Variants in MACF1 observed in about 807,000 individuals in gnomAD.
MACF1 encodes microtubule actin crosslinking factor 1.
Under a neutral mutation model 854.8 loss-of-function variants are expected in MACF1, and 193 were observed. That is an observed-to-expected ratio of 0.23 (90% CI 0.20 to 0.25). The LOEUF (loss-of-function observed/expected upper bound fraction) is 0.25, where lower values mean the gene tolerates loss of function less well. Among genes scored for constraint, MACF1 ranks in the 10% least tolerant of loss-of-function variants. The pLI is 1.00. For missense variants in MACF1, 7,722 were observed against 8,929.1 expected, an observed-to-expected ratio of 0.86 and a Z score of 5.45; for synonymous variants, 3,185 against 3,226.7, an observed-to-expected ratio of 0.99 and a Z score of 0.44.
At chr1:39,399,035 T>A (rs1353002289) in intron 58 of MACF1, among the ~76,000 whole-genome samples, 1 of 152,234 alleles carries the variant, frequency 6.6e-6, no homozygotes, top group Non-Finnish European at 1.5e-5. Context: ...ACATGGTTCC[T>A]ATGGGAAAAA....
At chr1:39,222,169 G>T (rs1444114306) in intron 1 of MACF1, among the ~76,000 whole-genome samples, 1 of 152,066 alleles carries the variant, frequency 6.6e-6, no homozygotes, top group Non-Finnish European at 1.5e-5. Context: ...CTGTCACCCA[G>T]GCTGGAGGGC....
chr1:39,238,651 T>A (rs1644886703), intron 2 of MACF1, among the ~76,000 whole-genome samples: 1 of 152,210 alleles, frequency 6.6e-6, no homozygotes, highest in African/African-American at 2.4e-5. Flanking sequence ...CAGTGCTGTG[T>A]GATGACAGGA....
intron 6 of MACF1, among the ~76,000 whole-genome samples, chr1:39,263,438 CAA>C (rs1461537425): frequency 6.6e-5 from 10 of 152,118 alleles, no homozygotes; most frequent in Admixed American, 6.5e-4. Context: ...TTGAAAATCT[CAA>C]ATACTCGGAA....
upstream of MACF1, among the ~76,000 whole-genome samples, chr1:39,199,763 T>C (rs748364194): frequency 5.9e-5 from 9 of 152,190 alleles, no homozygotes; most frequent in Admixed American, 1.3e-4. Flanking sequence ...GGGTGTGTCA[T>C]AGTCATCTTG....
At chr1:39,324,776 G>C in intron 35 of MACF1, 42 bp downstream of exon 35, 1 of 1,430,018 alleles carries the variant, frequency 7.0e-7, no homozygotes. Context: ...TGGGGCACCT[G>C]GTCTATCAGT....
At chr1:39,380,798 G>A (rs1235214593) in intron 55 of MACF1, among the ~76,000 whole-genome samples, 1 of 152,078 alleles carries the variant, frequency 6.6e-6, no homozygotes, top group African/African-American at 2.4e-5. Flanking sequence ...TGGAGTCCTA[G>A]CTACTGGGGA....
Position 39,105,331 on chromosome 1 carries a change from G to A in MACF1, c.220+20893G>A, listed in dbSNP as rs1036831175. Reference sequence around the variant, plus strand: ...GCTCCTGACAGGAGGAGCCGCCGCCGCCGCCCGCCGCTGCAGCCGCGCCGG... The same window carrying A: ...GCTCCTGACAGGAGGAGCCGCCGCCACCGCCCGCCGCTGCAGCCGCGCCGG... On this transcript the variant is annotated intron_variant, in intron 2 of 93. Coordinates refer to the MACF1 transcript ENST00000361689. This position sits in a 1 kb window ranked among gnomAD's most constrained non-coding sequence, Gnocchi z 5.9. 2.2e-4 allele frequency: 197 copies of A among 895,782 alleles called. No homozygotes were observed. The highest frequency in any genetic ancestry group is 2.5e-4 in the Non-Finnish European group (187 of 748,936). The allele number at this position is 895,782 out of a possible 1,614,324, so 55.5% of individuals were successfully genotyped here.
intron 52 of MACF1, among the ~76,000 whole-genome samples, chr1:39,375,595 C>G (rs562363305): frequency 6.6e-6 from 1 of 152,304 alleles, no homozygotes; most frequent in East Asian, 1.9e-4. Context: ...GCCACCAGGC[C>G]CAGCCTATCT....
chr1:39,095,619 A>C (rs903445209), intron 2 of MACF1, among the ~76,000 whole-genome samples: 1 of 147,200 alleles, frequency 6.8e-6, no homozygotes, highest in African/African-American at 2.5e-5. Context: ...GGTGGCTCAC[A>C]CATATAATCC....
At chr1:39,205,239 C>A in intron 1 of MACF1, 108 bp downstream of exon 1, 1 of 667,050 alleles carries the variant, frequency 1.5e-6, no homozygotes, top group Non-Finnish European at 2.7e-6. Context: ...CCAGTACGTC[C>A]TTCAGCTGGG....
chr1:39,462,821 A>G (rs111947392), intron 93 of MACF1, among the ~76,000 whole-genome samples: 21 of 152,296 alleles, frequency 1.4e-4, no homozygotes, highest in African/African-American at 4.3e-4. Context: ...GAAACTGCCA[A>G]ATTTATTAGT....
At chr1:39,384,645 C>G (rs144698012) in intron 56 of MACF1, among the ~76,000 whole-genome samples, 4 of 152,276 alleles carry the variant, frequency 2.6e-5, no homozygotes, top group African/African-American at 9.6e-5. Flanking sequence ...AGCTCTTTGT[C>G]TAATTATGCT....
At chr1:39,436,375 C>G in intron 70 of MACF1, 3 of 1,170,704 alleles carry the variant, frequency 2.6e-6, no homozygotes, top group South Asian at 2.5e-5. Flanking sequence ...TCCGTCCCAT[C>G]TCTCACTCAC....
intron 1 of MACF1, among the ~76,000 whole-genome samples, chr1:39,228,658 C>T (rs955211198): frequency 6.6e-6 from 1 of 152,126 alleles, no homozygotes; most frequent in Non-Finnish European, 1.5e-5. Flanking sequence ...AATAATAATA[C>T]TTTTTTATTT....
chr1:39,318,989 T>G (rs2148449216), intron 30 of MACF1, among the ~76,000 whole-genome samples: 1 of 152,050 alleles, frequency 6.6e-6, no homozygotes, highest in East Asian at 1.9e-4. Context: ...ATGATTTATT[T>G]TAAGCATTTT....
Position 39,296,771 on chromosome 1 carries a change from GAAAAGAAAGAAAGA to G in MACF1, c.2356-846_2356-833del, listed in dbSNP as rs367565050. Among the ~76,000 whole-genome samples the G allele has an allele frequency of 7.0e-4, 65 of 92,694 alleles. 4 individuals carry two copies. The highest frequency in any genetic ancestry group is 5.6e-3 in the Middle Eastern group (1 of 178). The allele number at this position is 92,694 out of a possible 152,430, so 60.8% of individuals were successfully genotyped here. A position where few individuals can be genotyped will look rare whatever the true frequency, so the allele number is the denominator to read the frequency against. On this transcript the variant is annotated intron_variant, in intron 20 of 100. Transcript: ENST00000564288. ...GAAAGAAAGGAAGGAAGGAAGGAAG[GAAAAGAAAGAAAGA>G]AAGAAAGGAAGGAAGGAAAAGAAAG...
intron 2 of MACF1, among the ~76,000 whole-genome samples, chr1:39,098,785 A>G (rs1409520816): frequency 6.6e-6 from 1 of 152,076 alleles, no homozygotes; most frequent in African/African-American, 2.4e-5. Context: ...GGTGGCTGGC[A>G]CCCTCCAGGC....
chr1:39,470,232 A>G (rs1029463610), intron 97 of MACF1, among the ~76,000 whole-genome samples: 1 of 152,256 alleles, frequency 6.6e-6, no homozygotes, highest in African/African-American at 2.4e-5. Flanking sequence ...AGCTAAAGAT[A>G]GCAGTTTTCA....
At chr1:39,306,412 G>A (rs1401218017) in intron 23 of MACF1, among the ~76,000 whole-genome samples, 1 of 152,086 alleles carries the variant, frequency 6.6e-6, no homozygotes, top group East Asian at 1.9e-4. Context: ...ACAGGCGTGA[G>A]CCACTGCACC....
Sources: allele counts gnomAD v4.1 joint callset (sites outside exome capture counted in the v4.1 genomes callset), GRCh38; gene constraint gnomAD v4.1.1; non-coding constraint Gnocchi (gnomAD v3.1); transcripts MANE v1.5; gene names NCBI Gene and HGNC (gene_info 2026-07-23, HGNC 2026-07-21).